The following ZNF599 variants were observed in gnomAD, a reference collection of about 807,000 sequenced individuals.
The protein encoded by ZNF599 is zinc finger protein 599.
Under a neutral mutation model 11.7 loss-of-function variants are expected in ZNF599, and 10 were observed. The observed-to-expected ratio is 0.86, with a 90% CI of 0.53 to 1.45. ZNF599 has a LOEUF of 1.45. ZNF599 is among the 40% of genes most tolerant of loss of function. The probability of loss-of-function intolerance (pLI) is 0.00; values close to 1 mark genes in which losing one functional copy is unlikely to be tolerated. For synonymous variants in ZNF599, 232 were observed against 253.2 expected (o/e 0.92, Z 0.79); for missense variants, 688 against 713.6 (o/e 0.96, Z 0.41).
the ZNF599 span, among the ~76,000 whole-genome samples, chr19:34,797,645 G>C: frequency 1.3e-5 from 2 of 152,200 alleles, no homozygotes; most frequent in Non-Finnish European, 2.9e-5. Context: ...TCTGTATGCA[G>C]AAGTACAGTA....
chr19:34,768,997 T>C (rs913721251), intron 2 of ZNF599, among the ~76,000 whole-genome samples: 7 of 152,202 alleles, frequency 4.6e-5, no homozygotes, highest in Admixed American at 3.9e-4. Context: ...AAGAGACCTT[T>C]CAGCTGAGAC....
chr19:34,775,316 T>G (rs1284060177), upstream of ZNF599, among the ~76,000 whole-genome samples: 1 of 152,190 alleles, frequency 6.6e-6, no homozygotes, highest in African/African-American at 2.4e-5. Context: ...TATTCAGCCA[T>G]AAGAAAAGAC....
In ZNF599 at chr19:34,759,902, T is replaced by A; in HGVS notation, c.899A>T (p.Gln300Leu). The change falls in exon 4 of 4, where the codon CAG (glutamine) becomes CTG (leucine). Residue 300 changes from glutamine to leucine, a missense_variant. Physicochemically the swap from Gln to Leu is moderately radical, Grantham distance 113. Transcript: ENST00000329285. Reference sequence around the variant, plus strand: ...TTCTCGAGTGTGAGTCATATTATGCTGGATAAAAGAAGAGCGGTGGGTGAA... The same window carrying A: ...TTCTCGAGTGTGAGTCATATTATGCAGGATAAAAGAAGAGCGGTGGGTGAA... Reference protein sequence around the residue: ...KAFTHRSSFIQHNMTHTREKP... With the variant: ...KAFTHRSSFILHNMTHTREKP... The A allele has an allele frequency of 6.2e-7, 1 of 1,614,212 alleles. No individual in the cohort carries two copies. The highest frequency in any genetic ancestry group is 8.5e-7 in the Non-Finnish European group (1 of 1,180,038).
chr19:34,793,725 A>G, the ZNF599 span, among the ~76,000 whole-genome samples: 5 of 152,226 alleles, frequency 3.3e-5, no homozygotes, highest in Non-Finnish European at 7.3e-5. Context: ...CAAGTTTATT[A>G]GAGCTACAGA....
the ZNF599 span, among the ~76,000 whole-genome samples, chr19:34,787,215 T>TG: frequency 1.6e-5 from 2 of 125,634 alleles, no homozygotes; most frequent in Admixed American, 8.3e-5. Context: ...ATTACGGCTA[T>TG]TTTTATCATC....
chr19:34,769,219 A>C (rs904001306), intron 2 of ZNF599, among the ~76,000 whole-genome samples: 28 of 152,190 alleles, frequency 1.8e-4, no homozygotes, highest in African/African-American at 6.3e-4. Context: ...AGACAGTGGG[A>C]TAAAAGTGTT....
At chr19:34,786,612 G>A in the ZNF599 span, among the ~76,000 whole-genome samples, 185 of 152,290 alleles carry the variant, frequency 1.2e-3, 3 homozygotes, top group African/African-American at 4.3e-3. Context: ...ACTTGTCTGG[G>A]TAATATAGTT....
At chr19:34,785,558 G>A in the ZNF599 span, among the ~76,000 whole-genome samples, 2 of 152,186 alleles carry the variant, frequency 1.3e-5, no homozygotes, top group Non-Finnish European at 2.9e-5. Flanking sequence ...AGTGATGATG[G>A]AAAGGGGAAA....
intron 1 of ZNF599, among the ~76,000 whole-genome samples, chr19:34,769,904 C>T (rs142912659): frequency 3.9e-5 from 6 of 152,324 alleles, no homozygotes; most frequent in African/African-American, 1.4e-4. Context: ...GCACTGTTTG[C>T]CTGCACCTGA....
chr19:34,772,222 G>A, intron 1 of ZNF599: 1 of 651,424 alleles, frequency 1.5e-6, no homozygotes, highest in Non-Finnish European at 1.9e-6. Context: ...CGGATTCACT[G>A]CTGTTAGGCG....
chr19:34,768,706 C>T (rs2069161500), intron 2 of ZNF599, among the ~76,000 whole-genome samples: 1 of 152,190 alleles, frequency 6.6e-6, no homozygotes, highest in Admixed American at 6.5e-5. Flanking sequence ...TTCCTGCTGC[C>T]TGCTTGAGGC....
At chr19:34,792,872 A>G in the ZNF599 span, among the ~76,000 whole-genome samples, 1 of 152,098 alleles carries the variant, frequency 6.6e-6, no homozygotes, top group Non-Finnish European at 1.5e-5. Flanking sequence ...CAAAAAAAAA[A>G]AAAGATATTA....
chr19:34,759,192 A>G lies in ZNF599; in HGVS notation c.1609T>C (p.Cys537Arg). The G allele has an allele frequency of 6.8e-6, 11 of 1,614,182 alleles. No individual in the cohort carries two copies. The highest frequency in any genetic ancestry group is 9.3e-6 in the Non-Finnish European group (11 of 1,180,026). ...RIHTGEKPFE[C>R]KECEKAFCDN... ...CAGAAGGCTTTCTCACATTCTTTGC[A>G]TTCAAAAGGTTTTTCTCCAGTGTGG... The change falls in exon 4 of 4, where the codon TGC becomes CGC. Residue 537 changes from cysteine to arginine, a missense_variant. Cys to Arg is a radical substitution (Grantham distance 180, BLOSUM62 -3). Coordinates refer to ENST00000329285, the MANE Select transcript of ZNF599 (RefSeq NM_001007248.3).
rs2069197499 is a variant in ZNF599 at position 34,773,186 on chromosome 19, A to G, written c.-345T>C. The G allele has an allele frequency of 3.2e-6, 1 of 313,632 alleles. No individual in the cohort carries two copies. Among genetic ancestry groups the G allele is most frequent in the Non-Finnish European group, 5.8e-6 (1 of 171,824 alleles). 19.4% of individuals were successfully genotyped at this position (313,632 alleles called of 1,614,324 possible). A position where few individuals can be genotyped will look rare whatever the true frequency, so the allele number is the denominator to read the frequency against. On this transcript the variant is annotated 5_prime_UTR_variant, in exon 1 of 4. Coordinates refer to ENST00000329285, the MANE Select transcript of ZNF599 (RefSeq NM_001007248.3). ...TAGCGTTGGCAACCACAGCAGCCGC[A>G]ACCTAACGGCGGACGAAGACTGGAC...
the ZNF599 span, among the ~76,000 whole-genome samples, chr19:34,778,863 A>G: frequency 3.9e-5 from 6 of 152,354 alleles, no homozygotes; most frequent in East Asian, 1.2e-3. Flanking sequence ...ATTCATTTTA[A>G]AAAGGCAAAA....
the ZNF599 span, among the ~76,000 whole-genome samples, chr19:34,789,711 C>A: frequency 1.3e-5 from 2 of 152,048 alleles, no homozygotes; most frequent in African/African-American, 2.4e-5. Context: ...TATTTGTTTT[C>A]TTGCTATTGT....
At chr19:34,777,123 G>A (rs1373110127), upstream of ZNF599, among the ~76,000 whole-genome samples, 1 of 150,266 alleles carries the variant, frequency 6.7e-6, no homozygotes, top group South Asian at 2.1e-4. Context: ...AAAGCATTAT[G>A]AGGAAATTGT....
the ZNF599 span, among the ~76,000 whole-genome samples, chr19:34,805,902 T>A: frequency 6.6e-6 from 1 of 152,172 alleles, no homozygotes; most frequent in Non-Finnish European, 1.5e-5. Context: ...GTGCTTAGGA[T>A]AACCTTCCAC....
chr19:34,779,515 T>A, the ZNF599 span: 1 of 456,456 alleles, frequency 2.2e-6, no homozygotes, highest in Admixed American at 2.4e-5. Context: ...ACTCATAAGG[T>A]TTTTCTCTGG....
Sources: allele counts gnomAD v4.1 joint callset (sites outside exome capture counted in the v4.1 genomes callset), GRCh38; gene constraint gnomAD v4.1.1; transcripts MANE v1.5; gene names NCBI Gene and HGNC (gene_info 2026-07-23, HGNC 2026-07-21).